The following RBMS3 variants were observed in gnomAD, a reference collection of about 807,000 sequenced individuals.
RBMS3 encodes RNA-binding motif, single-stranded-interacting protein 3.
In RBMS3, 27 loss-of-function variants were observed where a neutral mutation model predicts 66.8. The ratio of observed to expected loss-of-function variants is 0.40; its 90% confidence interval spans 0.30 to 0.56. The LOEUF is 0.56. Among genes scored for constraint, RBMS3 ranks in the 20% least tolerant of loss-of-function variants. The pLI, the probability that RBMS3 is intolerant of heterozygous loss-of-function variation, is 0.40. For synonymous variants in RBMS3, 188 were observed against 183.0 expected (o/e 1.03, Z -0.22); for missense variants, 513 against 549.5 (o/e 0.93, Z 0.66).
chr3:29,825,587 G>A (rs141456414), intron 6 of RBMS3, among the ~76,000 whole-genome samples: 2,130 of 152,122 alleles, frequency 0.014, 45 homozygotes, highest in African/African-American at 0.048. Context: ...CTTGCCTGCC[G>A]CCATGTAAGA....
At chr3:29,416,621 AT>A (rs993931704) in intron 1 of RBMS3, among the ~76,000 whole-genome samples, 2 of 151,942 alleles carry the variant, frequency 1.3e-5, no homozygotes, top group African/African-American at 2.4e-5. Flanking sequence ...TTTATTTTGA[AT>A]TCAATAGGAT....
intron 6 of RBMS3, among the ~76,000 whole-genome samples, chr3:29,780,362 G>T (rs1318124493): frequency 6.6e-6 from 1 of 151,146 alleles, no homozygotes; most frequent in Non-Finnish European, 1.5e-5. Flanking sequence ...TTGACTACAT[G>T]CTTTCTATAT....
At chr3:29,797,702 T>C (rs1331627704) in intron 6 of RBMS3, 1 of 152,206 alleles carries the variant, frequency 6.6e-6, no homozygotes, top group South Asian at 2.1e-4. Flanking sequence ...GTATTTATAA[T>C]GAATAATGAT....
intron 14 of RBMS3, among the ~76,000 whole-genome samples, chr3:30,000,680 A>C (rs544064415): frequency 6.6e-6 from 1 of 152,336 alleles, no homozygotes; most frequent in South Asian, 2.1e-4. Flanking sequence ...AAAATGTGGC[A>C]TATATACACC....
chr3:29,599,793 G>T (rs893735101), intron 4 of RBMS3, among the ~76,000 whole-genome samples: 2 of 152,100 alleles, frequency 1.3e-5, no homozygotes, highest in Non-Finnish European at 2.9e-5. Context: ...GATTATGGAA[G>T]ATATGATCAC....
chr3:29,354,573 GCA>G (rs1439302231), intron 1 of RBMS3, among the ~76,000 whole-genome samples: 1 of 150,854 alleles, frequency 6.6e-6, no homozygotes, highest in Non-Finnish European at 1.5e-5. Flanking sequence ...GTGCACGTGC[GCA>G]CACACACAGA....
chr3:29,380,048 G>A (rs1215613277), intron 1 of RBMS3, among the ~76,000 whole-genome samples: 2 of 152,012 alleles, frequency 1.3e-5, no homozygotes, highest in Non-Finnish European at 2.9e-5. Context: ...GGGGGAAAGA[G>A]CAAAAAAGTA....
intron 1 of RBMS3, among the ~76,000 whole-genome samples, chr3:29,347,509 A>G (rs1236355978): frequency 4.6e-5 from 7 of 152,114 alleles, no homozygotes; most frequent in African/African-American, 1.7e-4. Context: ...TTGATAATTG[A>G]AGTTATTATC....
At chr3:29,722,548 A>G (rs757821612) in intron 4 of RBMS3, among the ~76,000 whole-genome samples, 1 of 152,186 alleles carries the variant, frequency 6.6e-6, no homozygotes, top group South Asian at 2.1e-4. Context: ...ATAATAAACA[A>G]AAAATTTTTT....
At chr3:29,646,944 G>C (rs779333833) in intron 4 of RBMS3, among the ~76,000 whole-genome samples, 3 of 152,028 alleles carry the variant, frequency 2.0e-5, no homozygotes, top group Non-Finnish European at 4.4e-5. Flanking sequence ...GGATAATCTG[G>C]AGGCAAATAC....
chr3:29,361,190 T>C (rs1290357662), intron 1 of RBMS3, among the ~76,000 whole-genome samples: 1 of 152,086 alleles, frequency 6.6e-6, no homozygotes, highest in Non-Finnish European at 1.5e-5. Flanking sequence ...TGGTGCGCTT[T>C]GTTCCTTTCC....
rs112422666 is a variant in RBMS3 at position 29,898,790 on chromosome 3, G to A, written c.889-915G>A. On this transcript the variant is annotated intron_variant, in intron 9 of 14. Coordinates refer to ENST00000383767, the MANE Select transcript of RBMS3 (RefSeq NM_001003793.3). ...GTGTTTCCTTTTTTTTTCTAATCTTGGCCTCTGTTCCAGCCAAGACCACCC... is the reference window on the plus strand; with the variant it reads ...GTGTTTCCTTTTTTTTTCTAATCTTAGCCTCTGTTCCAGCCAAGACCACCC... Among the ~76,000 whole-genome samples, 4 of 144,500 alleles carry A rather than the reference G, an allele frequency of 2.8e-5. No homozygotes were observed. The South Asian group carries it at 8.6e-4, about 31-fold the overall frequency. The allele number at this position is 144,500 out of a possible 152,430, so 94.8% of individuals were successfully genotyped here.
intron 3 of RBMS3, among the ~76,000 whole-genome samples, chr3:29,499,459 C>T (rs1576021408): frequency 6.6e-6 from 1 of 152,248 alleles, no homozygotes; most frequent in Middle Eastern, 3.4e-3. Context: ...TGATATGCTT[C>T]TTCAAAGGAC....
At chr3:29,301,334 T>C (rs568670991) in intron 1 of RBMS3, among the ~76,000 whole-genome samples, 7 of 152,056 alleles carry the variant, frequency 4.6e-5, no homozygotes, top group African/African-American at 9.7e-5. Context: ...GCTCTACTTA[T>C]GGTTTCAGAT....
intron 6 of RBMS3, among the ~76,000 whole-genome samples, chr3:29,822,075 G>T (rs2058089314): frequency 6.6e-6 from 1 of 152,132 alleles, no homozygotes; most frequent in African/African-American, 2.4e-5. Flanking sequence ...ACTGCACAAG[G>T]ATGGTAATCC....
Position 29,739,313 on chromosome 3 carries a change from G to C in RBMS3, c.400-407G>C, listed in dbSNP as rs993126481. Reference sequence around the variant, plus strand: ...CTACTAAAAATACAAAAAATTAGCTGGGCGTGGTGGCGGGCGCCTGTAGTC... The same window carrying C: ...CTACTAAAAATACAAAAAATTAGCTCGGCGTGGTGGCGGGCGCCTGTAGTC... On this transcript the variant is annotated intron_variant, in intron 4 of 14. Coordinates refer to ENST00000383767, the MANE Select transcript of RBMS3 (RefSeq NM_001003793.3). 3.9e-5 allele frequency among the ~76,000 whole-genome samples: 6 copies of C among 151,986 alleles called. No homozygotes were observed. In the South Asian group the frequency reaches 1.0e-3, roughly 26 times the overall value.
intron 13 of RBMS3, among the ~76,000 whole-genome samples, chr3:29,989,025 A>C (rs1464693892): frequency 6.6e-6 from 1 of 152,202 alleles, no homozygotes; most frequent in African/African-American, 2.4e-5. Flanking sequence ...TAGACTGAAC[A>C]TCATATTTTT....
intron 4 of RBMS3, among the ~76,000 whole-genome samples, chr3:29,670,735 G>A (rs1272898369): frequency 6.6e-6 from 1 of 152,204 alleles, no homozygotes; most frequent in Non-Finnish European, 1.5e-5. Context: ...GCTTGAGTAG[G>A]TAAACAAAGC....
Position 29,692,776 on chromosome 3 carries a change from T to C in RBMS3, c.400-46944T>C. 1.3e-5 allele frequency among the ~76,000 whole-genome samples: 2 copies of C among 152,202 alleles called. 1 individual carries two copies. Among genetic ancestry groups the C allele is most frequent in the East Asian group, 3.8e-4 (2 of 5,202 alleles). ...CCTCCAAAGGGGCTGAAAGTTAAGA[T>C]AGGTCTTTTACAAAGCAGGAAACAT... is the stretch of plus-strand genomic sequence containing the variant. On this transcript the variant is annotated intron_variant, in intron 4 of 14. Coordinates refer to ENST00000383767, the MANE Select transcript of RBMS3 (RefSeq NM_001003793.3).
Sources: allele counts gnomAD v4.1 joint callset (sites outside exome capture counted in the v4.1 genomes callset), GRCh38; gene constraint gnomAD v4.1.1; transcripts MANE v1.5; gene names NCBI Gene and HGNC (gene_info 2026-07-23, HGNC 2026-07-21).